Variants in RAB6D observed in about 807,000 individuals in gnomAD.
The protein encoded by RAB6D is RAB6D, member RAS oncogene family.
RAB6D carries 11 observed loss-of-function variants against 17.5 expected under a neutral mutation model. The ratio of observed to expected loss-of-function variants is 0.63; its 90% CI spans 0.39 to 1.04. RAB6D has a LOEUF of 1.04. RAB6D is among the 50% of genes least tolerant of loss of function. The pLI, the probability that RAB6D is intolerant of heterozygous loss-of-function variation, is 0.00. For missense variants in RAB6D, 163 were observed against 315.1 expected (o/e 0.52, Z 3.65); for synonymous variants, 68 against 122.6 (o/e 0.55, Z 2.94).
Position 131,363,150 on chromosome 2 carries a change from T to A in RAB6D, c.571A>T (p.Ile191Leu). Reference protein sequence around the residue: ...QDGSREDMSDIKLEKPQEQTV... With the variant: ...QDGSREDMSDLKLEKPQEQTV... ...TGCTCCTGAGGCTTTTCCAGTTTTA[T>A]GTCACTCATGTCTTCTCTGCTTCCG... The change falls in exon 1 of 1, where the codon ATA (isoleucine) becomes TTA (leucine). Residue 191 changes from isoleucine (I) to leucine (L), a missense_variant. Coordinates refer to ENST00000623617, the MANE Select transcript of RAB6D (RefSeq NM_001077637.3). The A allele has an allele frequency of 3.7e-6, 6 of 1,608,800 alleles. No individual in the cohort carries two copies. The highest frequency in any genetic ancestry group is 5.1e-6 in the Non-Finnish European group (6 of 1,176,576).
At position 131,363,747 on chromosome 2, in the gene RAB6D, C is replaced by T. The variant is rs1258191155; in HGVS notation, c.-27G>A. Reference sequence around the variant, plus strand: ...GTGGAACTAGAGGAGCTGTCGCCGCCTCAGCCCAGAGACCTCCCGGACCGA... The same window carrying T: ...GTGGAACTAGAGGAGCTGTCGCCGCTTCAGCCCAGAGACCTCCCGGACCGA... On this transcript the variant is annotated 5_prime_UTR_variant, in exon 1 of 1. Coordinates refer to ENST00000623617, the MANE Select transcript of RAB6D (RefSeq NM_001077637.3). The T allele has an allele frequency of 1.7e-6, 2 of 1,146,938 alleles. No homozygotes were observed. The highest frequency in any genetic ancestry group is 2.5e-6 in the Non-Finnish European group (2 of 791,526). The allele number at this position is 1,146,938 out of a possible 1,614,324, so 71.0% of individuals were successfully genotyped here.
At position 131,362,836 on chromosome 2, in the gene RAB6D, T is replaced by G; in HGVS notation, c.*120A>C. 1.4e-6 allele frequency: 2 copies of G among 1,405,870 alleles called. No individual in the cohort carries two copies. The highest frequency in any genetic ancestry group is 1.9e-6 in the Non-Finnish European group (2 of 1,047,476). The allele number at this position is 1,405,870 out of a possible 1,614,324, so 87.1% of individuals were successfully genotyped here. A position where few individuals can be genotyped will look rare whatever the true frequency, so the allele number is the denominator to read the frequency against. ...TCATAACATTAAAAAAGAAAAAAAATGTTAAGAAAATGTATCTAATTTTTA... is the reference window on the plus strand; with the variant it reads ...TCATAACATTAAAAAAGAAAAAAAAGGTTAAGAAAATGTATCTAATTTTTA... On this transcript the variant is annotated 3_prime_UTR_variant, in exon 1 of 1. Coordinates refer to ENST00000623617, the MANE Select transcript of RAB6D (RefSeq NM_001077637.3).
In RAB6D at chr2:131,363,309, T is replaced by C. The variant is rs71428570; in HGVS notation, c.412A>G (p.Ile138Val). 6.6e-5 allele frequency: 106 copies of C among 1,613,834 alleles called. 1 individual carries two copies. In the Middle Eastern group the frequency reaches 1.2e-3, roughly 18 times the overall value. The change falls in exon 1 of 1, where the codon ATT (isoleucine) becomes GTT (valine). Residue 138 changes from isoleucine (I) to valine (V), a missense_variant. Ile to Val is a conservative substitution (Grantham distance 29, BLOSUM62 3). Coordinates refer to ENST00000623617, the MANE Select transcript of RAB6D (RefSeq NM_001077637.3). ...TTGGCTTTCCTCTCTCCCTCCTCAA[T>C]TGACACTTGCCTCTTGTCAGCAAGA... is the stretch of plus-strand genomic sequence containing the variant. ...TDLADKRQVSIEEGERKAKGL... is the reference protein window; with the variant it reads ...TDLADKRQVSVEEGERKAKGL...
At position 131,362,086 on chromosome 2, in the gene RAB6D, AT is replaced by A. The variant is rs1332014555; in HGVS notation, c.*869del. ...GTTTTGATCGTAGTGCCAAATTTAA[AT>A]TCTTCCACTGGTTCTTCTGTAAGGA... is the stretch of plus-strand genomic sequence containing the variant. On this transcript the variant is annotated 3_prime_UTR_variant, in exon 1 of 1. Transcript: ENST00000623617. 1 of 167,086 alleles carries A rather than the reference AT, an allele frequency of 6.0e-6. No homozygotes were observed. Among genetic ancestry groups the A allele is most frequent in the Non-Finnish European group, 1.5e-5 (1 of 68,116 alleles). 10.4% of individuals were successfully genotyped at this position (167,086 alleles called of 1,614,324 possible).
Position 131,364,113 on chromosome 2 carries a change from T to TTCGGCTTCCCCAGCCGCCGCCGCC in RAB6D, c.-417_-394dup, listed in dbSNP as rs535496005. On this transcript the variant is annotated 5_prime_UTR_variant, in exon 1 of 1. Transcript: ENST00000623617. ...ATCTGGGATCTCTCACGCGCGGCGCTTCGGCTTCCCCAGCCGCCGCCGCCG... is the reference window on the plus strand; with the variant it reads ...ATCTGGGATCTCTCACGCGCGGCGCTTCGGCTTCCCCAGCCGCCGCCGCCTCGGCTTCCCCAGCCGCCGCCGCCG... 135,706 of 200,920 alleles carry TTCGGCTTCCCCAGCCGCCGCCGCC rather than the reference T, an allele frequency of 0.68. 48,357 individuals carry two copies. The highest frequency in any genetic ancestry group is 0.78 in the Admixed American group (13,954 of 17,902). The allele number at this position is 200,920 out of a possible 1,614,324, so 12.4% of individuals were successfully genotyped here.
rs6704678 is a variant in RAB6D, at chr2:131,361,114, C to T, written c.*1842G>A. ...AATAAAGAGTATGACCCATCTGCCACAGTGAATCAATATTTATTTCAGGAC... is the reference window on the plus strand; with the variant it reads ...AATAAAGAGTATGACCCATCTGCCATAGTGAATCAATATTTATTTCAGGAC... On this transcript the variant is annotated 3_prime_UTR_variant, in exon 1 of 1. Coordinates refer to ENST00000623617, the MANE Select transcript of RAB6D (RefSeq NM_001077637.3). 0.82 allele frequency: 137,250 copies of T among 167,056 alleles called. 57,010 individuals are homozygous for T. Among genetic ancestry groups the T allele is most frequent in the Admixed American group, 0.89 (13,554 of 15,296 alleles). The allele number at this position is 167,056 out of a possible 1,614,324, so 10.3% of individuals were successfully genotyped here.
At position 131,362,708 on chromosome 2, in the gene RAB6D, G is replaced by A. The variant is rs1703438532; in HGVS notation, c.*248C>T. 2.6e-6 allele frequency: 1 copy of A among 378,390 alleles called. No individual in the cohort carries two copies. Among genetic ancestry groups the A allele is most frequent in the Non-Finnish European group, 5.0e-6 (1 of 198,140 alleles). 23.4% of individuals were successfully genotyped at this position (378,390 alleles called of 1,614,324 possible). A position where few individuals can be genotyped will look rare whatever the true frequency, so the allele number is the denominator to read the frequency against. On this transcript the variant is annotated 3_prime_UTR_variant, in exon 1 of 1. Transcript: ENST00000623617. ...CGGAAATAGGGAACGGGGTAAGGGAGAGGTGAGAAGAGCAAGGAGAGATAA... is the reference window on the plus strand; with the variant it reads ...CGGAAATAGGGAACGGGGTAAGGGAAAGGTGAGAAGAGCAAGGAGAGATAA...
In RAB6D at chr2:131,363,016, G is replaced by A. The variant is rs749508348; in HGVS notation, c.705C>T (p.Asn235=). The change falls in exon 1 of 1, where the codon AAC becomes AAT. Residue 235 remains asparagine (N), a synonymous_variant. Coordinates refer to ENST00000623617, the MANE Select transcript of RAB6D (RefSeq NM_001077637.3). ...FIDCSVNIGL[N]LFPSLITFCN... is the part of the protein sequence containing the mutation. ...AAAACGTTATTAATGAAGGGAAAAG[G>A]TTCAAGCCAATATTCACACTGCAGT... 1.3e-6 allele frequency: 2 copies of A among 1,580,440 alleles called. No individual in the cohort carries two copies. The highest frequency in any genetic ancestry group is 8.6e-7 in the Non-Finnish European group (1 of 1,165,612).
chr2:131,361,546 A>G lies in RAB6D; in HGVS notation c.*1410T>C. The G allele has an allele frequency of 6.0e-6, 1 of 167,226 alleles. No individual in the cohort carries two copies. 10.4% of individuals were successfully genotyped at this position (167,226 alleles called of 1,614,324 possible). A position where few individuals can be genotyped will look rare whatever the true frequency, so the allele number is the denominator to read the frequency against. On this transcript the variant is annotated 3_prime_UTR_variant, in exon 1 of 1. Transcript: ENST00000623617. Reference sequence around the variant, plus strand: ...AAACAATGTATTTACAAATGTGTTTATTAGCTTACACAGCAATCTCACAAT... The same window carrying G: ...AAACAATGTATTTACAAATGTGTTTGTTAGCTTACACAGCAATCTCACAAT...
rs1703431138 is a variant in RAB6D, at chr2:131,362,005, G to A, written c.*951C>T. The A allele has an allele frequency of 6.0e-6, 1 of 166,996 alleles. No homozygotes were observed. The highest frequency in any genetic ancestry group is 2.4e-5 in the African/African-American group (1 of 41,414). 10.3% of individuals were successfully genotyped at this position (166,996 alleles called of 1,614,324 possible). On this transcript the variant is annotated 3_prime_UTR_variant, in exon 1 of 1. Coordinates refer to ENST00000623617, the MANE Select transcript of RAB6D (RefSeq NM_001077637.3). ...TCCTGAGCAAAGTTTTTGCTCTTCT[G>A]CTGAGGGTTCTTTTGTTGGTAAGCT... is the stretch of plus-strand genomic sequence containing the variant.
At position 131,360,973 on chromosome 2, in the gene RAB6D, C is replaced by T. The variant is rs1279835926; in HGVS notation, c.*1983G>A. The T allele has an allele frequency of 1.2e-5, 2 of 164,536 alleles. No homozygotes were observed. The highest frequency in any genetic ancestry group is 3.9e-4 in the East Asian group (2 of 5,178). 10.2% of individuals were successfully genotyped at this position (164,536 alleles called of 1,614,324 possible). On this transcript the variant is annotated 3_prime_UTR_variant, in exon 1 of 1. Coordinates refer to ENST00000623617, the MANE Select transcript of RAB6D (RefSeq NM_001077637.3). ...AAGAACTCCAAGCCAAATAAAAAGACCAATCAATATTAAAAGCAGTATAAC... is the reference window on the plus strand; with the variant it reads ...AAGAACTCCAAGCCAAATAAAAAGATCAATCAATATTAAAAGCAGTATAAC...
Position 131,363,167 on chromosome 2 carries a change from C to G in RAB6D, c.554G>C (p.Arg185Thr). The stretch of plus-strand genomic sequence containing the variant: ...CAGTTTTATGTCACTCATGTCTTCT[C>G]TGCTTCCGTCCTGTGTGCTTTCCAT... ...PGMESTQDGS[R>T]EDMSDIKLEK... is the part of the protein sequence containing the mutation. The change falls in exon 1 of 1, where the codon AGA becomes ACA. Residue 185 changes from arginine to threonine, a missense_variant. Physicochemically the swap from Arg to Thr is moderately conservative, Grantham distance 71 (BLOSUM62 -1). Coordinates refer to ENST00000623617, the MANE Select transcript of RAB6D (RefSeq NM_001077637.3). 2 of 1,610,842 alleles carry G rather than the reference C, an allele frequency of 1.2e-6. No homozygotes were observed. Among genetic ancestry groups the G allele is most frequent in the Non-Finnish European group, 8.5e-7 (1 of 1,178,298 alleles).
Position 131,362,610 on chromosome 2 carries a change from T to C in RAB6D, c.*346A>G, listed in dbSNP as rs1310132967. 9.5e-6 allele frequency: 2 copies of C among 210,370 alleles called. No homozygotes were observed. The highest frequency in any genetic ancestry group is 2.1e-5 in the Non-Finnish European group (2 of 95,014). The allele number at this position is 210,370 out of a possible 1,614,324, so 13.0% of individuals were successfully genotyped here. ...CTGTAAAATTAAAGGATAATTCCAG[T>C]GGGCTTGGTCGGACTGCTGCTTTGC... On this transcript the variant is annotated 3_prime_UTR_variant, in exon 1 of 1. Coordinates refer to ENST00000623617, the MANE Select transcript of RAB6D (RefSeq NM_001077637.3).
chr2:131,363,270 T>C lies in RAB6D; in HGVS notation c.451A>G (p.Thr151Ala), dbSNP rs745511650. Residue 151 changes from threonine to alanine, a missense_variant, in exon 1 of 1, where the codon ACG (threonine) becomes GCG (alanine). Physicochemically the swap from Thr to Ala is moderately conservative, Grantham distance 58. Coordinates refer to ENST00000623617, the MANE Select transcript of RAB6D (RefSeq NM_001077637.3). ...GERKAKGLNV[T>A]FIETRAKAGY... ...GCTTTTGCCCTAGTTTCAATAAACG[T>C]AACATTCAGCCCTTTGGCTTTCCTC... is the stretch of plus-strand genomic sequence containing the variant. The C allele has an allele frequency of 3.7e-6, 6 of 1,613,996 alleles. No homozygotes were observed. Among genetic ancestry groups the C allele is most frequent in the Admixed American group, 1.7e-5 (1 of 60,018 alleles).
Position 131,364,036 on chromosome 2 carries a change from C to G in RAB6D, c.-316G>C. The G allele has an allele frequency of 2.5e-6, 1 of 402,164 alleles. No homozygotes were observed. The highest frequency in any genetic ancestry group is 5.1e-5 in the South Asian group (1 of 19,660). 24.9% of individuals were successfully genotyped at this position (402,164 alleles called of 1,614,324 possible). A position where few individuals can be genotyped will look rare whatever the true frequency, so the allele number is the denominator to read the frequency against. ...CCGTTCCCTTCTTCCTCACCCGGCT[C>G]CAAGACCTGCGGGAGAAAGGCGGAG... On this transcript the variant is annotated 5_prime_UTR_variant, in exon 1 of 1. Coordinates refer to ENST00000623617, the MANE Select transcript of RAB6D (RefSeq NM_001077637.3).
Position 131,364,113 on chromosome 2 carries a change from T to TTCGGCGTCCCCAGCCGCCGCCGCC in RAB6D, c.-394_-393insGGCGGCGGCGGCTGGGGACGCCGA. Reference sequence around the variant, plus strand: ...ATCTGGGATCTCTCACGCGCGGCGCTTCGGCTTCCCCAGCCGCCGCCGCCG... The same window carrying TTCGGCGTCCCCAGCCGCCGCCGCC: ...ATCTGGGATCTCTCACGCGCGGCGCTTCGGCGTCCCCAGCCGCCGCCGCCTCGGCTTCCCCAGCCGCCGCCGCCG... On this transcript the variant is annotated 5_prime_UTR_variant, in exon 1 of 1. Coordinates refer to ENST00000623617, the MANE Select transcript of RAB6D (RefSeq NM_001077637.3). 2 of 201,098 alleles carry TTCGGCGTCCCCAGCCGCCGCCGCC rather than the reference T, an allele frequency of 9.9e-6. No individual in the cohort carries two copies. Among genetic ancestry groups the TTCGGCGTCCCCAGCCGCCGCCGCC allele is most frequent in the Non-Finnish European group, 2.2e-5 (2 of 91,752 alleles). 12.5% of individuals were successfully genotyped at this position (201,098 alleles called of 1,614,324 possible).
In RAB6D at chr2:131,360,560, G is replaced by T. The variant is rs904562562; in HGVS notation, c.*2396C>A. Among the ~76,000 whole-genome samples, 1 of 151,926 alleles carries T rather than the reference G, an allele frequency of 6.6e-6. No homozygotes were observed. The highest frequency in any genetic ancestry group is 1.5e-5 in the Non-Finnish European group (1 of 67,978). ...ATAGATTGTCTTAGGAAAAGAAAAA[G>T]ACTTCCCATAAACTAGAAGAAAATG... On this transcript the variant is annotated 3_prime_UTR_variant, in exon 1 of 1. Coordinates refer to ENST00000623617, the MANE Select transcript of RAB6D (RefSeq NM_001077637.3).
Position 131,363,875 on chromosome 2 carries a change from G to A in RAB6D, c.-155C>T. 2.0e-5 allele frequency: 27 copies of A among 1,328,954 alleles called. No individual in the cohort carries two copies. The highest frequency in any genetic ancestry group is 2.7e-5 in the Non-Finnish European group (27 of 983,556). 82.3% of individuals were successfully genotyped at this position (1,328,954 alleles called of 1,614,324 possible). On this transcript the variant is annotated 5_prime_UTR_variant, in exon 1 of 1. Coordinates refer to ENST00000623617, the MANE Select transcript of RAB6D (RefSeq NM_001077637.3). ...GGAGGAGCCCGGCTGGAGGGCAGCA[G>A]GACTCTCCACAGACTGGCAGCCGCC...
chr2:131,361,375 C>T lies in RAB6D; in HGVS notation c.*1581G>A, dbSNP rs1192397554. On this transcript the variant is annotated 3_prime_UTR_variant, in exon 1 of 1. Transcript: ENST00000623617. ...GGAAAGAGAGGGGACTAAGGTTCTCCCAGTTTAAGGTTTTGTTGCAATGAG... is the reference window on the plus strand; with the variant it reads ...GGAAAGAGAGGGGACTAAGGTTCTCTCAGTTTAAGGTTTTGTTGCAATGAG... 2 of 167,058 alleles carry T rather than the reference C, an allele frequency of 1.2e-5. No individual in the cohort carries two copies. Among genetic ancestry groups the T allele is most frequent in the East Asian group, 3.9e-4 (2 of 5,194 alleles). The allele number at this position is 167,058 out of a possible 1,614,324, so 10.3% of individuals were successfully genotyped here. A position where few individuals can be genotyped will look rare whatever the true frequency, so the allele number is the denominator to read the frequency against.
Sources: allele counts gnomAD v4.1 joint callset (sites outside exome capture counted in the v4.1 genomes callset), GRCh38; gene constraint gnomAD v4.1.1; transcripts MANE v1.5; gene names NCBI Gene and HGNC (gene_info 2026-07-23, HGNC 2026-07-21).